Variants in SNTG2 observed in about 807,000 individuals in gnomAD.
SNTG2 encodes the protein syntrophin gamma 2.
In SNTG2, 74 loss-of-function variants were observed where a neutral mutation model predicts 70.9. That is an observed-to-expected ratio of 1.04 (90% CI 0.86 to 1.27). SNTG2 has a LOEUF of 1.27. Among genes scored for constraint, SNTG2 ranks in the 50% most tolerant of loss-of-function variants. SNTG2 has a pLI of 0.00. For missense variants in SNTG2, 717 were observed against 690.7 expected (o/e 1.04, Z -0.43); for synonymous variants, 278 against 273.8 (o/e 1.02, Z -0.15).
chr2:1,216,589 T>C (rs1455200525), intron 9 of SNTG2, among the ~76,000 whole-genome samples: 1 of 152,174 alleles, frequency 6.6e-6, no homozygotes, highest in Non-Finnish European at 1.5e-5. Flanking sequence ...TTAGATCCCA[T>C]TTGTTGATTT....
intron 14 of SNTG2, among the ~76,000 whole-genome samples, chr2:1,269,325 C>G (rs867169529): frequency 6.6e-6 from 1 of 151,982 alleles, no homozygotes. Flanking sequence ...GCAACCAAGC[C>G]CAAGAAACCT....
chr2:1,268,527 C>T (rs1678866304), intron 14 of SNTG2, among the ~76,000 whole-genome samples: 1 of 152,188 alleles, frequency 6.6e-6, no homozygotes, highest in Admixed American at 6.5e-5. Flanking sequence ...AATGTTTATT[C>T]TCATTTATCC....
chr2:1,364,016 G>A (rs529320489), intron 16 of SNTG2, among the ~76,000 whole-genome samples: 182 of 152,168 alleles, frequency 1.2e-3, no homozygotes, highest in Middle Eastern at 3.4e-3. Context: ...TGTTGCCCAG[G>A]CTGGAGTGCA....
chr2:1,290,915 G>T (rs73908821), intron 14 of SNTG2, among the ~76,000 whole-genome samples: 2 of 152,176 alleles, frequency 1.3e-5, no homozygotes, highest in Non-Finnish European at 2.9e-5. Flanking sequence ...AGGAGTTACT[G>T]TACTGTTTTC....
chr2:953,291 T>C (rs1341499408), intron 1 of SNTG2, among the ~76,000 whole-genome samples: 2 of 152,268 alleles, frequency 1.3e-5, no homozygotes, highest in Non-Finnish European at 2.9e-5. Flanking sequence ...TGTGTCTTGC[T>C]TGTAGCTTCA....
At chr2:951,117 T>C in intron 1 of SNTG2, 49 bp downstream of exon 1, 1 of 927,972 alleles carries the variant, frequency 1.1e-6, no homozygotes, top group Non-Finnish European at 1.4e-6. Context: ...CCCTTCCCTC[T>C]CCTTCGCGCC....
intron 4 of SNTG2, among the ~76,000 whole-genome samples, chr2:1,135,644 C>T (rs1236912373): frequency 6.6e-6 from 1 of 152,176 alleles, no homozygotes; most frequent in Non-Finnish European, 1.5e-5. Flanking sequence ...ATCGCTTGAA[C>T]CCAGGAGGCA....
intron 1 of SNTG2, among the ~76,000 whole-genome samples, chr2:1,072,158 A>G (rs1200680967): frequency 6.6e-6 from 1 of 152,178 alleles, no homozygotes; most frequent in Non-Finnish European, 1.5e-5. Flanking sequence ...TTCCACGTAG[A>G]TGAAACAGCC....
intron 2 of SNTG2, among the ~76,000 whole-genome samples, chr2:1,086,468 AC>A (rs1327312488): frequency 6.6e-6 from 1 of 152,140 alleles, no homozygotes; most frequent in African/African-American, 2.4e-5. Context: ...AAGGATCCCA[AC>A]CCCACATCTG....
chr2:1,163,009 A>G (rs753490604), intron 6 of SNTG2, among the ~76,000 whole-genome samples: 3 of 152,186 alleles, frequency 2.0e-5, no homozygotes, highest in Non-Finnish European at 2.9e-5. Flanking sequence ...ACTCAGCCCT[A>G]TGGGGGCCCA....
At chr2:1,160,878 T>A (rs1406603889) in intron 6 of SNTG2, 1 of 152,280 alleles carries the variant, frequency 6.6e-6, no homozygotes, top group Non-Finnish European at 1.5e-5. Context: ...GGAAGGAACC[T>A]CTGCTGCTGA....
chr2:1,255,915 T>C, intron 12 of SNTG2, among the ~76,000 whole-genome samples: 2 of 85,672 alleles, frequency 2.3e-5, no homozygotes, highest in Non-Finnish European at 4.2e-5. Flanking sequence ...TAAATATATA[T>C]ATAAATATAT....
intron 13 of SNTG2, among the ~76,000 whole-genome samples, chr2:1,267,096 G>C (rs1195012267): frequency 6.6e-6 from 1 of 152,184 alleles, no homozygotes; most frequent in Non-Finnish European, 1.5e-5. Context: ...CCGTAAAACA[G>C]GAAAGTGTGT....
intron 16 of SNTG2, among the ~76,000 whole-genome samples, chr2:1,347,099 A>C (rs62105576): frequency 2.0e-5 from 3 of 148,008 alleles, no homozygotes; most frequent in African/African-American, 5.0e-5. Context: ...GGAAAAAAAA[A>C]GGTGAGAGCT....
intron 6 of SNTG2, among the ~76,000 whole-genome samples, chr2:1,161,833 G>A (rs1485390302): frequency 6.6e-5 from 10 of 152,068 alleles, no homozygotes; most frequent in Non-Finnish European, 1.2e-4. Context: ...CCAGCAGTTT[G>A]GGAGGCCGAG....
rs1050767636 is a variant in SNTG2 at position 1,219,152 on chromosome 2, A to T, written c.719+9922A>T. On this transcript the variant is annotated intron_variant, in intron 9 of 16. Coordinates refer to ENST00000308624, the MANE Select transcript of SNTG2 (RefSeq NM_018968.4). Reference sequence around the variant, plus strand: ...GTTCTCATGAGAACCAGCTGTTAAAAGTGTATGGCACCTGCCCTCTTTCCT... The same window carrying T: ...GTTCTCATGAGAACCAGCTGTTAAATGTGTATGGCACCTGCCCTCTTTCCT... Among the ~76,000 whole-genome samples the T allele has an allele frequency of 4.4e-4, 67 of 152,216 alleles. 1 individual carries two copies. Among genetic ancestry groups the T allele is most frequent in the African/African-American group, 1.5e-3 (64 of 41,526 alleles).
intron 4 of SNTG2, among the ~76,000 whole-genome samples, chr2:1,111,236 T>A (rs940363138): frequency 3.9e-5 from 6 of 152,230 alleles, no homozygotes; most frequent in Admixed American, 2.6e-4. Flanking sequence ...AGTAGCTGAA[T>A]GAGAAATGCC....
chr2:1,367,308 T>C (rs1661539706), intron 16 of SNTG2, 35 bp from the exon 17 acceptor site: 2 of 1,494,746 alleles, frequency 1.3e-6, no homozygotes, highest in Non-Finnish European at 1.8e-6. Flanking sequence ...CTTCCAACAA[T>C]TATAATAAAC....
chr2:1,354,126 C>T (rs1175229845), intron 16 of SNTG2, among the ~76,000 whole-genome samples: 1 of 152,118 alleles, frequency 6.6e-6, no homozygotes, highest in East Asian at 1.9e-4. Context: ...GTTTCAGCCA[C>T]CGTTAAATAT....
Sources: allele counts gnomAD v4.1 joint callset (sites outside exome capture counted in the v4.1 genomes callset), GRCh38; gene constraint gnomAD v4.1.1; transcripts MANE v1.5; gene names NCBI Gene and HGNC (gene_info 2026-07-23, HGNC 2026-07-21).